TRNAU1AP: variants seen among roughly 807,000 people sequenced by gnomAD.
TRNAU1AP encodes tRNA selenocysteine 1 associated protein 1.
Under a neutral mutation model 43.3 loss-of-function variants are expected in TRNAU1AP, and 33 were observed. The ratio of observed to expected loss-of-function variants is 0.76; its 90% CI spans 0.58 to 1.02. The LOEUF is 1.02. Ranked by LOEUF, TRNAU1AP falls within the 50% of genes least tolerant of loss-of-function variation. TRNAU1AP has a pLI of 0.00. For synonymous variants in TRNAU1AP, 143 were observed against 129.1 expected (o/e 1.11, Z -0.73); for missense variants, 290 against 362.7 (o/e 0.80, Z 1.63).
chr1:28,565,211 G>A (rs1190494447), intron 5 of TRNAU1AP: 4 of 217,942 alleles, frequency 1.8e-5, no homozygotes, highest in East Asian at 1.7e-4. Context: ...CAGGCTGGGC[G>A]TGGTGGCTCA....
intron 4 of TRNAU1AP, among the ~76,000 whole-genome samples, chr1:28,562,715 G>A (rs1363714843): frequency 1.3e-5 from 2 of 151,452 alleles, no homozygotes; most frequent in African/African-American, 4.9e-5. Flanking sequence ...CGAGTAGCTG[G>A]GACTACAGGT....
intron 4 of TRNAU1AP, among the ~76,000 whole-genome samples, chr1:28,563,682 T>TC (rs1196193046): frequency 1.1e-4 from 16 of 143,958 alleles, no homozygotes; most frequent in Non-Finnish European, 2.0e-4. Flanking sequence ...AGACTCCGTC[T>TC]CAAAAAAAAA....
At chr1:28,560,381 C>T (rs1232255732) in intron 2 of TRNAU1AP, among the ~76,000 whole-genome samples, 1 of 150,666 alleles carries the variant, frequency 6.6e-6, no homozygotes, top group Non-Finnish European at 1.5e-5. Flanking sequence ...TCCTGGGTTA[C>T]AGCAATTCTC....
At chr1:28,572,410 G>A (rs937690239) in intron 8 of TRNAU1AP, among the ~76,000 whole-genome samples, 2 of 151,422 alleles carry the variant, frequency 1.3e-5, no homozygotes, top group Admixed American at 6.6e-5. Context: ...TGGCTTGGCC[G>A]GTCTCAAACT....
intron 4 of TRNAU1AP, among the ~76,000 whole-genome samples, chr1:28,561,957 A>G (rs1665418051): frequency 6.6e-6 from 1 of 151,326 alleles, no homozygotes; most frequent in Non-Finnish European, 1.5e-5. Context: ...CTGTAGTCCC[A>G]GCTACTCAGG....
chr1:28,558,780 T>A (rs905223541), intron 2 of TRNAU1AP, among the ~76,000 whole-genome samples: 3 of 151,952 alleles, frequency 2.0e-5, no homozygotes, highest in Non-Finnish European at 4.4e-5. Flanking sequence ...TTAGCCAGTA[T>A]GGTCTCAGTC....
At chr1:28,554,344 A>T (rs769253512) in intron 2 of TRNAU1AP, among the ~76,000 whole-genome samples, 1 of 152,016 alleles carries the variant, frequency 6.6e-6, no homozygotes, top group Non-Finnish European at 1.5e-5. Context: ...AACAGCACCT[A>T]CCTCCTAGAG....
At position 28,571,759 on chromosome 1, in the gene TRNAU1AP, G is replaced by A. The variant is rs1052616990; in HGVS notation, c.694-108G>A. 4.2e-5 allele frequency: 33 copies of A among 776,474 alleles called. No homozygotes were observed. The African/African-American group carries it at 6.6e-4, about 16-fold the overall frequency. The allele number at this position is 776,474 out of a possible 1,614,324, so 48.1% of individuals were successfully genotyped here. A position where few individuals can be genotyped will look rare whatever the true frequency, so the allele number is the denominator to read the frequency against. ...GATCACGCCACTACACTCTAGTCTG[G>A]GTGACAGAGCTAGACTCCACCTCAA... On this transcript the variant is annotated intron_variant, in intron 7 of 8. Coordinates refer to ENST00000373830, the MANE Select transcript of TRNAU1AP (RefSeq NM_017846.5).
At position 28,571,042 on chromosome 1, in the gene TRNAU1AP, G is replaced by A; in HGVS notation, c.531-134G>A. ...ATTGCGCCCCTGTACTCCAGCCTAG[G>A]CAACAGAGCAAGACTCTGTCTCAAG... On this transcript the variant is annotated intron_variant, in intron 6 of 8. Coordinates refer to ENST00000373830, the MANE Select transcript of TRNAU1AP (RefSeq NM_017846.5). 6.2e-6 allele frequency: 5 copies of A among 801,814 alleles called. No homozygotes were observed. In the Admixed American group the frequency reaches 8.0e-5, roughly 13 times the overall value. 49.7% of individuals were successfully genotyped at this position (801,814 alleles called of 1,614,324 possible).
At position 28,561,345 on chromosome 1, in the gene TRNAU1AP, G is replaced by C; in HGVS notation, c.226-1G>C. The C allele has an allele frequency of 6.2e-7, 1 of 1,614,112 alleles. No homozygotes were observed. Among genetic ancestry groups the C allele is most frequent in the South Asian group, 1.1e-5 (1 of 91,068 alleles). ...TAGTTTGTTTGTTTTTCAACTTCCA[G>C]GCGAAACGTTTTAAACTGAACTATG... On this transcript the variant is annotated splice_acceptor_variant, in intron 3 of 8. Coordinates refer to ENST00000373830, the MANE Select transcript of TRNAU1AP (RefSeq NM_017846.5). LOFTEE classifies it high-confidence loss of function.
chr1:28,570,823 T>C (rs1665647831), intron 6 of TRNAU1AP, among the ~76,000 whole-genome samples: 1 of 152,094 alleles, frequency 6.6e-6, no homozygotes, highest in South Asian at 2.1e-4. Flanking sequence ...CCCAGCACTT[T>C]GGGAGGCTGA....
intron 5 of TRNAU1AP, 108 bp from the exon 6 acceptor site, chr1:28,567,175 CTCAGCCTCTTT>C (rs1218996128): frequency 1.7e-5 from 18 of 1,090,120 alleles, no homozygotes; most frequent in Non-Finnish European, 2.4e-5. Context: ...TCTTTCTCTT[CTCAGCCTCTTT>C]TCCTTTCTAC....
At chr1:28,559,955 A>G (rs879754250) in intron 2 of TRNAU1AP, among the ~76,000 whole-genome samples, 2 of 152,054 alleles carry the variant, frequency 1.3e-5, no homozygotes, top group Non-Finnish European at 2.9e-5. Context: ...AACATGGCAA[A>G]ATCCCATCTC....
chr1:28,577,907 CA>C lies in TRNAU1AP; in HGVS notation c.*275del. On this transcript the variant is annotated 3_prime_UTR_variant, in exon 9 of 9. Transcript: ENST00000373830. ...CCACATAGGACAGTTTGGGATTATCCAAAACTGGGATGAGCAGCTTGGGATA... is the reference window on the plus strand; with the variant it reads ...CCACATAGGACAGTTTGGGATTATCCAAACTGGGATGAGCAGCTTGGGATA... The C allele has an allele frequency of 3.2e-6, 1 of 308,552 alleles. No homozygotes were observed. Among genetic ancestry groups the C allele is most frequent in the South Asian group, 4.6e-5 (1 of 21,750 alleles). 19.1% of individuals were successfully genotyped at this position (308,552 alleles called of 1,614,324 possible).
At chr1:28,575,535 T>C (rs1483558147) in intron 8 of TRNAU1AP, among the ~76,000 whole-genome samples, 2 of 150,712 alleles carry the variant, frequency 1.3e-5, no homozygotes, top group Admixed American at 1.3e-4. Context: ...CGATCTCAGC[T>C]CACTGCAACC....
Position 28,577,818 on chromosome 1 carries a change from G to A in TRNAU1AP, c.*182G>A, listed in dbSNP as rs1283918689. ...GACCATTTGAGTTTGAAGACCAAGG[G>A]AACAACTTTTAAACAAGGTTCAAAT... On this transcript the variant is annotated 3_prime_UTR_variant, in exon 9 of 9. Transcript: ENST00000373830. The A allele has an allele frequency of 1.5e-6, 1 of 658,304 alleles. No individual in the cohort carries two copies. Among genetic ancestry groups the A allele is most frequent in the Non-Finnish European group, 2.5e-6 (1 of 403,184 alleles). The allele number at this position is 658,304 out of a possible 1,614,324, so 40.8% of individuals were successfully genotyped here.
intron 4 of TRNAU1AP, among the ~76,000 whole-genome samples, chr1:28,562,215 A>G (rs572626397): frequency 1.9e-4 from 29 of 152,376 alleles, no homozygotes; most frequent in African/African-American, 6.0e-4. Flanking sequence ...CTATAATTCT[A>G]CTTTTCAGTA....
At position 28,578,416 on chromosome 1, in the gene TRNAU1AP, A is replaced by G. The variant is rs143163451; in HGVS notation, c.*780A>G. 1.6e-3 allele frequency: 382 copies of G among 231,936 alleles called. 1 individual carries two copies. Among genetic ancestry groups the G allele is most frequent in the Non-Finnish European group, 2.7e-3 (314 of 115,326 alleles). 14.4% of individuals were successfully genotyped at this position (231,936 alleles called of 1,614,324 possible). ...GCTTGAGGCAAAGCATTCATCCTAC[A>G]TCATAAAAAATCTCCAAAGATCTCT... On this transcript the variant is annotated 3_prime_UTR_variant, in exon 9 of 9. Coordinates refer to ENST00000373830, the MANE Select transcript of TRNAU1AP (RefSeq NM_017846.5).
At chr1:28,568,195 A>G (rs562238620) in intron 6 of TRNAU1AP, among the ~76,000 whole-genome samples, 3 of 152,230 alleles carry the variant, frequency 2.0e-5, no homozygotes, top group South Asian at 4.1e-4. Context: ...CAGACACTCT[A>G]CAGAACATTA....
Sources: allele counts gnomAD v4.1 joint callset (sites outside exome capture counted in the v4.1 genomes callset), GRCh38; gene constraint gnomAD v4.1.1; transcripts MANE v1.5; gene names NCBI Gene and HGNC (gene_info 2026-07-23, HGNC 2026-07-21).